EXOC4: variants seen among roughly 807,000 people sequenced by gnomAD.
The protein encoded by EXOC4 is exocyst complex component 4.
In EXOC4, 71 loss-of-function variants were observed where a neutral mutation model predicts 107.2. The observed-to-expected ratio is 0.66, with a 90% CI of 0.55 to 0.81. The LOEUF is 0.81. Ranked by LOEUF, EXOC4 falls within the 30% of genes least tolerant of loss-of-function variation. The probability of loss-of-function intolerance (pLI) is 0.00; values close to 1 mark genes in which losing one functional copy is unlikely to be tolerated. For missense variants in EXOC4, 1,108 were observed against 1,189.6 expected (o/e 0.93, Z 1.01); for synonymous variants, 456 against 441.2 (o/e 1.03, Z -0.42).
intron 17 of EXOC4, among the ~76,000 whole-genome samples, chr7:134,032,971 T>C (rs1405086789): frequency 1.3e-5 from 2 of 151,614 alleles, no homozygotes; most frequent in Non-Finnish European, 3.0e-5. Flanking sequence ...GCAGACTCAT[T>C]ACTGTACTTT....
chr7:133,541,941 C>T (rs1042185999), intron 9 of EXOC4, among the ~76,000 whole-genome samples: 3 of 151,888 alleles, frequency 2.0e-5, no homozygotes, highest in African/African-American at 7.3e-5. Context: ...GGCTGAAGTC[C>T]CATTTGTGGT....
At chr7:133,705,586 G>T (rs144254865) in intron 10 of EXOC4, among the ~76,000 whole-genome samples, 270 of 152,178 alleles carry the variant, frequency 1.8e-3, no homozygotes, top group African/African-American at 6.2e-3. Flanking sequence ...GCATTTTATG[G>T]CTTATTTTTG....
At chr7:133,264,377 A>G (rs530724656) in intron 1 of EXOC4, among the ~76,000 whole-genome samples, 1 of 152,330 alleles carries the variant, frequency 6.6e-6, no homozygotes, top group African/African-American at 2.4e-5. Context: ...TTGATACTAA[A>G]TACATCTCTT....
chr7:133,955,628 G>A lies in EXOC4; in HGVS notation c.2206+17559G>A, dbSNP rs754708339. Among the ~76,000 whole-genome samples the A allele has an allele frequency of 1.2e-4, 18 of 152,322 alleles. No individual in the cohort carries two copies. The South Asian group carries it at 1.4e-3, about 12-fold the overall frequency. On this transcript the variant is annotated intron_variant, in intron 14 of 17. Coordinates refer to ENST00000253861, the MANE Select transcript of EXOC4 (RefSeq NM_021807.4). ...CTTTACTTAAAGGTGGGGCTTCACC[G>A]GGGACCTGGCCCTGTCTGCCCTGGA...
intron 11 of EXOC4, among the ~76,000 whole-genome samples, chr7:133,854,561 A>C (rs1798309235): frequency 6.6e-6 from 1 of 152,126 alleles, no homozygotes; most frequent in Non-Finnish European, 1.5e-5. Context: ...AAAAACTGGC[A>C]AAGGGAAAAG....
intron 10 of EXOC4, among the ~76,000 whole-genome samples, chr7:133,781,018 G>C (rs1031018273): frequency 6.6e-6 from 1 of 152,208 alleles, no homozygotes; most frequent in African/African-American, 2.4e-5. Context: ...GCCTTTGGAA[G>C]CAAGAGGCAC....
chr7:133,982,575 G>A (rs570069380), intron 14 of EXOC4, among the ~76,000 whole-genome samples: 2 of 152,140 alleles, frequency 1.3e-5, no homozygotes, highest in African/African-American at 2.4e-5. Context: ...AACAAAAAAA[G>A]ATACTGGGTT....
rs1481404594 is a variant in EXOC4 at position 134,064,787 on chromosome 7, G to A, written c.*259G>A. On this transcript the variant is annotated 3_prime_UTR_variant, in exon 18 of 18. Transcript: ENST00000253861. Reference sequence around the variant, plus strand: ...CTAGGGTGGGATAGGGAGGAAGGTGGTATCAAATTGTTGGACTCTGAAAAA... The same window carrying A: ...CTAGGGTGGGATAGGGAGGAAGGTGATATCAAATTGTTGGACTCTGAAAAA... The A allele has an allele frequency of 7.8e-6, 2 of 255,364 alleles. No individual in the cohort carries two copies. Among genetic ancestry groups the A allele is most frequent in the African/African-American group, 4.4e-5 (2 of 45,258 alleles). The allele number at this position is 255,364 out of a possible 1,614,324, so 15.8% of individuals were successfully genotyped here.
At chr7:133,506,449 A>T (rs1319245527) in intron 9 of EXOC4, among the ~76,000 whole-genome samples, 1 of 152,154 alleles carries the variant, frequency 6.6e-6, no homozygotes, top group Non-Finnish European at 1.5e-5. Flanking sequence ...TTCCCTCTTG[A>T]AAGCTTCATC....
chr7:133,857,994 G>A (rs1798454918), intron 11 of EXOC4, among the ~76,000 whole-genome samples: 1 of 152,176 alleles, frequency 6.6e-6, no homozygotes, highest in Non-Finnish European at 1.5e-5. Context: ...CCAGCGGAGG[G>A]CAGGAGGGCT....
chr7:133,758,838 G>A (rs1795972054), intron 10 of EXOC4, among the ~76,000 whole-genome samples: 1 of 152,124 alleles, frequency 6.6e-6, no homozygotes, highest in Admixed American at 6.5e-5. Context: ...GCCCCCCAGA[G>A]ATACAGCATG....
chr7:133,490,476 G>A (rs1219460700), intron 9 of EXOC4, among the ~76,000 whole-genome samples: 2 of 152,152 alleles, frequency 1.3e-5, no homozygotes, highest in Admixed American at 6.5e-5. Flanking sequence ...AGTTTTCCAG[G>A]TAAAGAAATT....
intron 10 of EXOC4, among the ~76,000 whole-genome samples, chr7:133,670,663 A>G (rs933493757): frequency 3.9e-5 from 6 of 152,188 alleles, no homozygotes; most frequent in Admixed American, 3.3e-4. Flanking sequence ...CTCTATCTCT[A>G]TATTTTCTAT....
intron 17 of EXOC4, among the ~76,000 whole-genome samples, chr7:134,013,694 T>C (rs1482094113): frequency 6.6e-6 from 1 of 152,180 alleles, no homozygotes; most frequent in Non-Finnish European, 1.5e-5. Context: ...AAAAATAAAG[T>C]CTATTAATAA....
the EXOC4 span, among the ~76,000 whole-genome samples, chr7:134,076,119 G>T: frequency 6.6e-6 from 1 of 152,172 alleles, no homozygotes; most frequent in Admixed American, 6.5e-5. Flanking sequence ...AAGAGAACTA[G>T]TTGAGTGGAG....
chr7:133,838,771 G>A (rs1010156028), intron 11 of EXOC4, among the ~76,000 whole-genome samples: 3 of 152,158 alleles, frequency 2.0e-5, no homozygotes, highest in Admixed American at 2.0e-4. Flanking sequence ...CAGCCTTGTG[G>A]TTTATATCGT....
At chr7:133,923,128 CTTTTTT>C (rs35715979) in intron 13 of EXOC4, among the ~76,000 whole-genome samples, 1 of 126,542 alleles carries the variant, frequency 7.9e-6, no homozygotes, top group Non-Finnish European at 1.6e-5. Flanking sequence ...AGAGTTTACA[CTTTTTT>C]TTTTTTTTTT....
intron 14 of EXOC4, among the ~76,000 whole-genome samples, chr7:133,940,061 G>T (rs1200790827): frequency 6.6e-6 from 1 of 152,092 alleles, no homozygotes; most frequent in Non-Finnish European, 1.5e-5. Context: ...GTTTGGAAGG[G>T]GTGCTCTCAT....
chr7:133,434,289 T>TG (rs1300016394), intron 7 of EXOC4, among the ~76,000 whole-genome samples: 7 of 151,902 alleles, frequency 4.6e-5, no homozygotes, highest in East Asian at 1.9e-4. Flanking sequence ...TCTCTCTACA[T>TG]GGGGGGGAAA....
Sources: gnomAD v4.1 joint callset for allele counts (sites outside exome capture counted in the v4.1 genomes callset) on GRCh38, gnomAD v4.1.1 for gene constraint, MANE v1.5 for transcripts, NCBI Gene and HGNC (gene_info 2026-07-23, HGNC 2026-07-21) for gene names.